Variants in COL4A1 observed in about 807,000 individuals in gnomAD.
COL4A1 encodes collagen alpha-1(IV) chain.
A neutral mutation model predicts 216.6 loss-of-function variants in COL4A1; 40 were observed. The observed-to-expected ratio is 0.18, with a 90% CI of 0.14 to 0.24. The LOEUF is 0.24. COL4A1 is among the 10% of genes least tolerant of loss of function. The pLI, the probability that COL4A1 is intolerant of heterozygous loss-of-function variation, is 1.00. For synonymous variants in COL4A1, 839 were observed against 810.7 expected (o/e 1.03, Z -0.59); for missense variants, 1,628 against 2,196.8 (o/e 0.74, Z 5.18).
Position 110,174,639 on chromosome 13 carries a change from C to A in COL4A1, c.3309G>T (p.Gly1103=). The part of the protein sequence containing the change: ...PGSPGLKGSP[G]SVGYPGSPGL... ...CTCACCTACCTGGATAGCCAACACT[C>A]CCGGGAGACCCTTTAAGGCCTGGGG... The change falls in exon 38 of 52, where the codon GGG becomes GGT. Residue 1103 remains glycine, a synonymous_variant. Transcript: ENST00000375820. 2 of 1,614,178 alleles carry A rather than the reference C, an allele frequency of 1.2e-6. No individual in the cohort carries two copies. The highest frequency in any genetic ancestry group is 1.7e-6 in the Non-Finnish European group (2 of 1,180,026).
intron 1 of COL4A1, among the ~76,000 whole-genome samples, chr13:110,277,535 C>T (rs184704453): frequency 1.4e-4 from 21 of 152,308 alleles, no homozygotes; most frequent in African/African-American, 4.8e-4. Context: ...GACCCACCTC[C>T]AGCTTCCCAG....
intron 1 of COL4A1, among the ~76,000 whole-genome samples, chr13:110,296,955 AG>A (rs1884300492): frequency 6.6e-6 from 1 of 152,228 alleles, no homozygotes; most frequent in East Asian, 1.9e-4. Context: ...GTGTAGGGGA[AG>A]GGGCAGGGCT....
chr13:110,155,980 C>A (rs1387939611), intron 49 of COL4A1, among the ~76,000 whole-genome samples: 2 of 152,188 alleles, frequency 1.3e-5, no homozygotes, highest in Non-Finnish European at 2.9e-5. Context: ...GCAGGACTGC[C>A]TGAGGCCAGG....
At chr13:110,260,496 A>C (rs941365988) in intron 1 of COL4A1, among the ~76,000 whole-genome samples, 3 of 152,240 alleles carry the variant, frequency 2.0e-5, no homozygotes, top group African/African-American at 7.2e-5. Flanking sequence ...CTGAACTCAT[A>C]GATCCCTAGT....
rs1319487664 is a variant in COL4A1 at position 110,150,060 on chromosome 13, G to C, written c.*303C>G. 2.4e-6 allele frequency: 1 copy of C among 423,388 alleles called. No homozygotes were observed. Among genetic ancestry groups the C allele is most frequent in the Non-Finnish European group, 4.4e-6 (1 of 225,428 alleles). 26.2% of individuals were successfully genotyped at this position (423,388 alleles called of 1,614,324 possible). A position where few individuals can be genotyped will look rare whatever the true frequency, so the allele number is the denominator to read the frequency against. The stretch of plus-strand genomic sequence containing the variant: ...GCACCCACACCTCCTAGCACCCTTT[G>C]GTTTTCTGATGGAGTTCTCACTTCA... On this transcript the variant is annotated 3_prime_UTR_variant, in exon 52 of 52. Transcript: ENST00000375820.
chr13:110,274,125 C>A (rs1290318572), intron 1 of COL4A1, among the ~76,000 whole-genome samples: 1 of 152,052 alleles, frequency 6.6e-6, no homozygotes, highest in Non-Finnish European at 1.5e-5. Context: ...TAAACAGGGG[C>A]AAATATTAAG....
intron 24 of COL4A1, among the ~76,000 whole-genome samples, chr13:110,188,211 C>T (rs9521639): frequency 1.6e-4 from 25 of 152,250 alleles, no homozygotes; most frequent in Non-Finnish European, 3.5e-4. Context: ...GACTCCCTGT[C>T]GACTTGGCAG....
intron 2 of COL4A1, among the ~76,000 whole-genome samples, chr13:110,237,440 C>T (rs1315681208): frequency 1.3e-5 from 2 of 152,182 alleles, no homozygotes; most frequent in African/African-American, 4.8e-5. Context: ...TATGTCACGA[C>T]TGCTGGGGTG....
intron 1 of COL4A1, among the ~76,000 whole-genome samples, chr13:110,248,780 A>AC (rs1222599745): frequency 1.1e-4 from 17 of 152,216 alleles, no homozygotes; most frequent in African/African-American, 4.1e-4. Flanking sequence ...GGTGTGAGCC[A>AC]CCGCACCCGG....
At chr13:110,150,688 C>T (rs903132439) in intron 51 of COL4A1, among the ~76,000 whole-genome samples, 3 of 152,232 alleles carry the variant, frequency 2.0e-5, no homozygotes, top group African/African-American at 4.8e-5. Flanking sequence ...GTGCCCACAG[C>T]CCCATAGGGC....
Position 110,228,418 on chromosome 13 carries a change from C to T in COL4A1, c.144+14257G>A, listed in dbSNP as rs1880850715. On this transcript the variant is annotated intron_variant, in intron 2 of 51. Coordinates refer to ENST00000375820, the MANE Select transcript of COL4A1 (RefSeq NM_001845.6). ...ACCCACTTCCGGGCCTGTCACTACC[C>T]ACTTCTGGCCCGTCGCACCCAGCAG... 2.0e-5 allele frequency among the ~76,000 whole-genome samples: 3 copies of T among 152,282 alleles called. 1 individual carries two copies. In the South Asian group the frequency reaches 6.2e-4, roughly 32 times the overall value.
intron 1 of COL4A1, among the ~76,000 whole-genome samples, chr13:110,269,364 G>C (rs957601917): frequency 6.6e-6 from 1 of 152,118 alleles, no homozygotes; most frequent in African/African-American, 2.4e-5. Flanking sequence ...ACGACATAGA[G>C]AGAACATTGT....
intron 2 of COL4A1, among the ~76,000 whole-genome samples, chr13:110,238,951 A>T (rs1009773732): frequency 1.3e-5 from 2 of 152,200 alleles, no homozygotes; most frequent in African/African-American, 4.8e-5. Context: ...AACCCTAATC[A>T]GTACAAGCAG....
intron 24 of COL4A1, chr13:110,190,676 G>C (rs1023181407): frequency 5.9e-5 from 9 of 152,128 alleles, no homozygotes; most frequent in Non-Finnish European, 1.0e-4. Context: ...CCACATTTCT[G>C]AGCGAGTTAA....
At position 110,297,227 on chromosome 13, in the gene COL4A1, G is replaced by T. The variant is rs566628159; in HGVS notation, c.84+9717C>A. On this transcript the variant is annotated intron_variant, in intron 1 of 51. Coordinates refer to ENST00000375820, the MANE Select transcript of COL4A1 (RefSeq NM_001845.6). ...AGCCTAACTCTGAAGCTGCGGGGTG[G>T]GGGGGCCAGCCACCAGTCAACTCAT... 3.1e-3 allele frequency among the ~76,000 whole-genome samples: 477 copies of T among 152,250 alleles called. 2 individuals are homozygous for T. Among genetic ancestry groups the T allele is most frequent in the Non-Finnish European group, 4.4e-3 (300 of 68,032 alleles).
rs1253058899 is a variant in COL4A1 at position 110,238,518 on chromosome 13, T to A, written c.144+4157A>T. Among the ~76,000 whole-genome samples, 2 of 152,230 alleles carry A rather than the reference T, an allele frequency of 1.3e-5. 1 individual carries two copies. The highest frequency in any genetic ancestry group is 6.3e-3 in the Middle Eastern group (2 of 316). ...ATGAGAGGCTGGGGTCCTGCTGAAT[T>A]GGGGAAGCTGTCCCTTGATTTTATG... On this transcript the variant is annotated intron_variant, in intron 2 of 51. Coordinates refer to ENST00000375820, the MANE Select transcript of COL4A1 (RefSeq NM_001845.6).
Position 110,211,548 on chromosome 13 carries a change from A to G in COL4A1, c.468+99T>C. On this transcript the variant is annotated intron_variant, in intron 8 of 51. Transcript: ENST00000375820. The surrounding 1 kb of genome is among the most constrained non-coding windows in gnomAD (Gnocchi z 4.3). Reference sequence around the variant, plus strand: ...AGGGAAGTGTGTTCAGAAACAATCGATCAGCCAAAGTGGTTTAAAGAGAAT... The same window carrying G: ...AGGGAAGTGTGTTCAGAAACAATCGGTCAGCCAAAGTGGTTTAAAGAGAAT... 8.5e-7 allele frequency: 1 copy of G among 1,169,738 alleles called. No individual in the cohort carries two copies. Among genetic ancestry groups the G allele is most frequent in the Non-Finnish European group, 1.2e-6 (1 of 811,288 alleles). 72.5% of individuals were successfully genotyped at this position (1,169,738 alleles called of 1,614,324 possible). A position where few individuals can be genotyped will look rare whatever the true frequency, so the allele number is the denominator to read the frequency against.
intron 46 of COL4A1, among the ~76,000 whole-genome samples, chr13:110,164,013 G>T (rs1877216502): frequency 1.7e-5 from 2 of 120,144 alleles, no homozygotes; most frequent in Admixed American, 2.3e-4. Flanking sequence ...TTTTGAGACA[G>T]GGTCTCGCTC....
Position 110,207,248 on chromosome 13 carries a change from G to A in COL4A1, c.780+155C>T, listed in dbSNP as rs1045190315. 5.9e-5 allele frequency among the ~76,000 whole-genome samples: 9 copies of A among 152,110 alleles called. No homozygotes were observed. Among genetic ancestry groups the A allele is most frequent in the African/African-American group, 2.2e-4 (9 of 41,404 alleles). ...TCCAGCTGTCTCTGCTCTCAAAGGG[G>A]CTCGTATTTTATGGACTGAACAGTC... On this transcript the variant is annotated intron_variant, in intron 13 of 51. Transcript: ENST00000375820. The surrounding 1 kb of genome is among the most constrained non-coding windows in gnomAD (Gnocchi z 4.4).
Sources: allele counts gnomAD v4.1 joint callset (sites outside exome capture counted in the v4.1 genomes callset), GRCh38; gene constraint gnomAD v4.1.1; non-coding constraint Gnocchi (gnomAD v3.1); transcripts MANE v1.5; gene names NCBI Gene and HGNC (gene_info 2026-07-23, HGNC 2026-07-21).